EPM2A: variants seen among roughly 807,000 people sequenced by gnomAD.
EPM2A encodes EPM2A glucan phosphatase, laforin.
In EPM2A, 21 loss-of-function variants were observed where a neutral mutation model predicts 26.5. The observed-to-expected ratio is 0.79, with a 90% confidence interval of 0.56 to 1.14. The LOEUF is 1.14. Among genes scored for constraint, EPM2A ranks in the 50% most tolerant of loss-of-function variants. The pLI is 0.00. For missense variants in EPM2A, 458 were observed against 440.8 expected, an observed-to-expected ratio of 1.04 and a Z score of -0.35; for synonymous variants, 217 against 177.6, an observed-to-expected ratio of 1.22 and a Z score of -1.76.
At chr6:145,419,428 G>A (rs1778753751) in intron 4 of EPM2A, among the ~76,000 whole-genome samples, 1 of 151,210 alleles carries the variant, frequency 6.6e-6, no homozygotes, top group Non-Finnish European at 1.5e-5. Flanking sequence ...ACAGGCAGAT[G>A]GAAACCTAAG....
intron 2 of EPM2A, among the ~76,000 whole-genome samples, chr6:145,506,937 G>C (rs376991): frequency 0.45 from 68,317 of 151,888 alleles, 15,379 homozygotes; most frequent in South Asian, 0.58. Context: ...GAACACCATG[G>C]AGAGCATCTA....
intron 4 of EPM2A, among the ~76,000 whole-genome samples, chr6:145,494,093 G>C (rs1779788935): frequency 6.6e-6 from 1 of 152,184 alleles, no homozygotes. Flanking sequence ...GTAGAATTCA[G>C]CTGACAATCT....
chr6:145,442,562 G>C (rs1779078764), intron 4 of EPM2A, among the ~76,000 whole-genome samples: 2 of 151,242 alleles, frequency 1.3e-5, no homozygotes, highest in Non-Finnish European at 2.9e-5. Flanking sequence ...GGGGGAAACT[G>C]TCCCCATGAT....
At chr6:145,685,627 C>T (rs372436531) in intron 2 of EPM2A, among the ~76,000 whole-genome samples, 2 of 152,016 alleles carry the variant, frequency 1.3e-5, no homozygotes, top group East Asian at 3.9e-4. Context: ...ATTTAGCAAC[C>T]TCCTGGTTTA....
Position 145,625,990 on chromosome 6 carries a change from A to G in EPM2A, c.*1426T>C. The G allele has an allele frequency of 8.6e-7, 1 of 1,159,782 alleles. No homozygotes were observed. Among genetic ancestry groups the G allele is most frequent in the Non-Finnish European group, 1.1e-6 (1 of 875,500 alleles). 71.8% of individuals were successfully genotyped at this position (1,159,782 alleles called of 1,614,324 possible). A position where few individuals can be genotyped will look rare whatever the true frequency, so the allele number is the denominator to read the frequency against. On this transcript the variant is annotated 3_prime_UTR_variant, in exon 4 of 4. Transcript: ENST00000367519. ...CTATTTATTCATCATGTGACAATAG[A>G]CAGTTGAGTTAACCCTTCTGACCTT...
chr6:145,596,084 A>G (rs1781340027), intron 2 of EPM2A, among the ~76,000 whole-genome samples: 1 of 152,226 alleles, frequency 6.6e-6, no homozygotes, highest in Non-Finnish European at 1.5e-5. Context: ...TCAAGGAAGT[A>G]TGTTTGTATC....
chr6:145,494,593 ATCTT>A (rs1306845602), intron 4 of EPM2A, among the ~76,000 whole-genome samples: 2 of 152,056 alleles, frequency 1.3e-5, no homozygotes, highest in Non-Finnish European at 2.9e-5. Context: ...TTAACTTGAG[ATCTT>A]TCTATCTTTT....
chr6:145,402,195 A>T (rs1778499827), intron 4 of EPM2A, among the ~76,000 whole-genome samples: 1 of 152,150 alleles, frequency 6.6e-6, no homozygotes, highest in South Asian at 2.1e-4. Context: ...AAAGTGAATG[A>T]TGCTCTAGTG....
At chr6:145,690,521 G>GAAAAA (rs145052340) in intron 1 of EPM2A, among the ~76,000 whole-genome samples, 6 of 87,010 alleles carry the variant, frequency 6.9e-5, no homozygotes, top group Non-Finnish European at 1.1e-4. Context: ...CGTCTCAAAA[G>GAAAAA]AAAAAAAAAA....
chr6:145,703,222 G>C (rs1782026267), intron 1 of EPM2A, among the ~76,000 whole-genome samples: 1 of 151,396 alleles, frequency 6.6e-6, no homozygotes, highest in Non-Finnish European at 1.5e-5. Flanking sequence ...CTCCCAAGTA[G>C]CTGGAACTAC....
At position 145,686,301 on chromosome 6, in the gene EPM2A, A is replaced by C; in HGVS notation, c.302-5T>G. On this transcript the variant is annotated splice_polypyrimidine_tract_variant and splice_region_variant and intron_variant, in intron 1 of 3. Coordinates refer to ENST00000367519, the MANE Select transcript of EPM2A (RefSeq NM_005670.4). ...GGTCATGATGAGGTCCATTGCCTAG[A>C]ACAAGAAAAAATGATAAACAGAGCA... 1.9e-6 allele frequency: 3 copies of C among 1,612,216 alleles called. No individual in the cohort carries two copies. In the South Asian group the frequency reaches 3.3e-5, roughly 18 times the overall value.
Position 145,560,176 on chromosome 6 carries a change from A to G in EPM2A, c.341-57601T>C, listed in dbSNP as rs143856296. 2.2e-3 allele frequency among the ~76,000 whole-genome samples: 341 copies of G among 152,146 alleles called. 3 individuals are homozygous for G. The Middle Eastern group carries it at 0.027, about 12-fold the overall frequency. ...CAGCAAAATCCACATAGAATGAACA[A>G]TTTGCCTCAATGATAATTCTCCTCT... On this transcript the variant is annotated intron_variant, in intron 2 of 3. Transcript: ENST00000450221.
rs539923097 is a variant in EPM2A, at chr6:145,537,468, G to C, written c.341-34893C>G. Among the ~76,000 whole-genome samples, 9 of 152,150 alleles carry C rather than the reference G, an allele frequency of 5.9e-5. No homozygotes were observed. The South Asian group carries it at 1.9e-3, about 32-fold the overall frequency. Reference sequence around the variant, plus strand: ...TATAATGCAGAAACACTAGGAAATGGCCTAGAAGTATTCCTTTAGCTACTT... The same window carrying C: ...TATAATGCAGAAACACTAGGAAATGCCCTAGAAGTATTCCTTTAGCTACTT... On this transcript the variant is annotated intron_variant, in intron 2 of 3. Coordinates refer to the EPM2A transcript ENST00000450221.
At chr6:145,508,773 A>G (rs1275321327) in intron 2 of EPM2A, among the ~76,000 whole-genome samples, 1 of 152,270 alleles carries the variant, frequency 6.6e-6, no homozygotes, top group Non-Finnish European at 1.5e-5. Flanking sequence ...TGACAGATAT[A>G]GAATTCAAAA....
At chr6:145,669,034 C>G (rs1326313615) in intron 2 of EPM2A, among the ~76,000 whole-genome samples, 2 of 152,020 alleles carry the variant, frequency 1.3e-5, no homozygotes, top group African/African-American at 4.8e-5. Flanking sequence ...TGTTGATACA[C>G]TCAGTATTTT....
intron 2 of EPM2A, among the ~76,000 whole-genome samples, chr6:145,524,198 C>T (rs1463893070): frequency 6.6e-6 from 1 of 152,126 alleles, no homozygotes; most frequent in African/African-American, 2.4e-5. Context: ...CATTGATGGG[C>T]ATCTAGGTTA....
At chr6:145,446,311 A>G (rs562588483) in intron 4 of EPM2A, among the ~76,000 whole-genome samples, 1 of 152,350 alleles carries the variant, frequency 6.6e-6, no homozygotes, top group South Asian at 2.1e-4. Flanking sequence ...CTGAAACACT[A>G]TGATATCAAG....
intron 1 of EPM2A, among the ~76,000 whole-genome samples, chr6:145,690,667 C>T (rs1357807185): frequency 6.8e-6 from 1 of 147,430 alleles, no homozygotes; most frequent in South Asian, 2.2e-4. Context: ...TAAAGGCCAA[C>T]ACCAAGAGAA....
At position 145,671,443 on chromosome 6, in the gene EPM2A, A is replaced by G. The variant is rs376365726; in HGVS notation, c.476+14679T>C. ...ATATGAACTATAGTCATTGTGAGTC[A>G]ATATTACATGTTGGCAAAATGTGAT... is the stretch of plus-strand genomic sequence containing the variant. On this transcript the variant is annotated intron_variant, in intron 2 of 3. Transcript: ENST00000367519. 617 of 969,488 alleles carry G rather than the reference A, an allele frequency of 6.4e-4. 5 individuals are homozygous for G. In the African/African-American group the frequency reaches 0.01, roughly 16 times the overall value. The allele number at this position is 969,488 out of a possible 1,614,324, so 60.1% of individuals were successfully genotyped here.
Sources: allele counts gnomAD v4.1 joint callset (sites outside exome capture counted in the v4.1 genomes callset), GRCh38; gene constraint gnomAD v4.1.1; transcripts MANE v1.5; gene names NCBI Gene and HGNC (gene_info 2026-07-23, HGNC 2026-07-21).